MED12L: variants seen among roughly 807,000 people sequenced by gnomAD.
The protein encoded by MED12L is mediator complex subunit 12L.
Under a neutral mutation model 281.3 loss-of-function variants are expected in MED12L, and 60 were observed. The ratio of observed to expected loss-of-function variants is 0.21; its 90% CI spans 0.17 to 0.26. The LOEUF (loss-of-function observed/expected upper bound fraction) is 0.26, where lower values mean the gene tolerates loss of function less well. MED12L is among the 10% of genes least tolerant of loss of function. MED12L has a pLI of 1.00. For missense variants in MED12L, 2,146 were observed against 2,680.9 expected (o/e 0.80, Z 4.41); for synonymous variants, 974 against 987.2 (o/e 0.99, Z 0.25).
intron 5 of MED12L, among the ~76,000 whole-genome samples, chr3:151,144,736 C>G (rs190155601): frequency 1.6e-3 from 240 of 152,296 alleles, no homozygotes; most frequent in Non-Finnish European, 2.6e-3. Flanking sequence ...GTCATATCTT[C>G]ACCTCTTCAC....
intron 16 of MED12L, chr3:151,213,593 A>T: frequency 6.2e-7 from 1 of 1,614,210 alleles, no homozygotes; most frequent in Non-Finnish European, 8.5e-7. Flanking sequence ...CAGACAAAAA[A>T]CACAAACACG....
chr3:151,231,279 A>G (rs1300843174), intron 16 of MED12L, among the ~76,000 whole-genome samples: 3 of 152,222 alleles, frequency 2.0e-5, no homozygotes, highest in Non-Finnish European at 4.4e-5. Flanking sequence ...TTCAGGCAAT[A>G]AGCTTCAATT....
chr3:151,318,168 A>G (rs1290930816), intron 16 of MED12L, among the ~76,000 whole-genome samples: 15 of 151,316 alleles, frequency 9.9e-5, no homozygotes, highest in Admixed American at 9.9e-4. Flanking sequence ...CTTTGGGTGG[A>G]TTAAGTATGT....
intron 2 of MED12L, among the ~76,000 whole-genome samples, chr3:151,103,442 A>G (rs1721631850): frequency 6.6e-6 from 1 of 152,234 alleles, no homozygotes; most frequent in Non-Finnish European, 1.5e-5. Flanking sequence ...TCTCACTAGG[A>G]CACTTCTGGG....
rs867108808 is a variant in MED12L, at chr3:151,311,397, G to A, written c.2251-38662G>A. 9.2e-5 allele frequency among the ~76,000 whole-genome samples: 14 copies of A among 152,162 alleles called. 1 individual carries two copies. The highest frequency in any genetic ancestry group is 3.1e-4 in the African/African-American group (13 of 41,516). Reference sequence around the variant, plus strand: ...ATTAGAATGAATGTTTTAGGGTAAAGGGAATATTGATGTTTAGCAGATACT... The same window carrying A: ...ATTAGAATGAATGTTTTAGGGTAAAAGGAATATTGATGTTTAGCAGATACT... On this transcript the variant is annotated intron_variant, in intron 16 of 44. Coordinates refer to ENST00000687756, the MANE Select transcript of MED12L (RefSeq NM_001393769.1).
intron 16 of MED12L, among the ~76,000 whole-genome samples, chr3:151,247,311 C>T (rs1735767830): frequency 6.6e-6 from 1 of 152,046 alleles, no homozygotes; most frequent in African/African-American, 2.4e-5. Context: ...GACACATGCA[C>T]ACGTATGTTT....
chr3:151,130,767 C>T (rs1319639571), intron 5 of MED12L, among the ~76,000 whole-genome samples: 1 of 152,222 alleles, frequency 6.6e-6, no homozygotes, highest in Non-Finnish European at 1.5e-5. Context: ...CCAACCACTG[C>T]TGCCAAAATA....
intron 11 of MED12L, among the ~76,000 whole-genome samples, chr3:151,183,963 CT>C: frequency 6.6e-6 from 1 of 152,144 alleles, no homozygotes; most frequent in Non-Finnish European, 1.5e-5. Context: ...ACTGGATTGA[CT>C]TTTATATTTT....
intron 11 of MED12L, among the ~76,000 whole-genome samples, chr3:151,167,499 T>C (rs1053166160): frequency 6.6e-6 from 1 of 152,238 alleles, no homozygotes; most frequent in Non-Finnish European, 1.5e-5. Flanking sequence ...CCTTTCCTTC[T>C]CTTACCTTTA....
At chr3:151,202,560 C>T (rs1323558555) in intron 16 of MED12L, among the ~76,000 whole-genome samples, 2 of 152,116 alleles carry the variant, frequency 1.3e-5, no homozygotes, top group Admixed American at 6.5e-5. Flanking sequence ...ATCCCAGCTA[C>T]TCGGGAGGCT....
chr3:151,136,512 A>G (rs79101570), intron 5 of MED12L, among the ~76,000 whole-genome samples: 3,089 of 152,312 alleles, frequency 0.02, 96 homozygotes, highest in African/African-American at 0.065. Context: ...GGCATGAAAA[A>G]TAGGTTTTAA....
At chr3:151,419,855 G>A (rs1474742881) in intron 43 of MED12L, among the ~76,000 whole-genome samples, 1 of 152,098 alleles carries the variant, frequency 6.6e-6, no homozygotes, top group Non-Finnish European at 1.5e-5. Flanking sequence ...TAAAGGAAAA[G>A]GAAATAAAAT....
chr3:151,385,894 C>T (rs1264533644), intron 36 of MED12L, among the ~76,000 whole-genome samples: 2 of 151,854 alleles, frequency 1.3e-5, no homozygotes, highest in East Asian at 1.9e-4. Context: ...TTTTAATGAA[C>T]AGTAAGCAAC....
intron 5 of MED12L, among the ~76,000 whole-genome samples, chr3:151,142,077 G>T (rs1717110178): frequency 6.6e-6 from 1 of 152,214 alleles, no homozygotes; most frequent in African/African-American, 2.4e-5. Context: ...AGTCTTGGCA[G>T]TTTACAGGCT....
intron 32 of MED12L, among the ~76,000 whole-genome samples, chr3:151,381,433 C>T (rs1439541859): frequency 6.6e-6 from 1 of 152,168 alleles, no homozygotes; most frequent in African/African-American, 2.4e-5. Flanking sequence ...TCTCTCCTAC[C>T]TTGTCTCCTA....
At chr3:151,394,604 A>G in intron 38 of MED12L, 52 bp from the exon 39 acceptor site, 1 of 1,603,980 alleles carries the variant, frequency 6.2e-7, no homozygotes, top group South Asian at 1.1e-5. Flanking sequence ...ACATAAAAAG[A>G]CCTGTTGCAT....
rs1013261948 is a variant in MED12L, at chr3:151,385,083, A to G, written c.4980A>G (p.Leu1660=). Residue 1660 remains leucine, a synonymous_variant, in exon 36 of 45, where the codon CTA becomes CTG. Transcript: ENST00000687756. The part of the protein sequence containing the change: ...SESIDKVRQL[L]PLPKQTCDVI... Reference sequence around the variant, plus strand: ...GTATTGACAAAGTTCGACAGTTACTACCTTTGCCGAAACAGACATGTGATG... The same window carrying G: ...GTATTGACAAAGTTCGACAGTTACTGCCTTTGCCGAAACAGACATGTGATG... The G allele has an allele frequency of 3.7e-6, 6 of 1,612,078 alleles. No homozygotes were observed. Among genetic ancestry groups the G allele is most frequent in the Non-Finnish European group, 4.2e-6 (5 of 1,178,810 alleles).
intron 16 of MED12L, among the ~76,000 whole-genome samples, chr3:151,195,954 T>A (rs188366952): frequency 1.9e-3 from 291 of 152,324 alleles, no homozygotes; most frequent in Non-Finnish European, 2.4e-3. Context: ...GTTGAAAGTG[T>A]TTGAAACTGG....
chr3:151,131,617 A>G (rs1457164426), intron 5 of MED12L, among the ~76,000 whole-genome samples: 1 of 152,206 alleles, frequency 6.6e-6, no homozygotes, highest in Non-Finnish European at 1.5e-5. Flanking sequence ...TCAAAAAACA[A>G]ACAAACAAAC....
Sources: allele counts gnomAD v4.1 joint callset (sites outside exome capture counted in the v4.1 genomes callset), GRCh38; gene constraint gnomAD v4.1.1; transcripts MANE v1.5; gene names NCBI Gene and HGNC (gene_info 2026-07-23, HGNC 2026-07-21).